Variants in RREB1 observed in about 807,000 individuals in gnomAD.
RREB1 encodes ras-responsive element-binding protein 1.
RREB1 carries 27 observed loss-of-function variants against 117.8 expected under a neutral mutation model. The observed-to-expected ratio is 0.23, with a 90% confidence interval of 0.17 to 0.32. RREB1 has a LOEUF of 0.32. RREB1 is among the 10% of genes least tolerant of loss of function. The pLI is 1.00. For missense variants in RREB1, 2,577 were observed against 2,378.2 expected (o/e 1.08, Z -1.74); for synonymous variants, 1,298 against 1,026.7 (o/e 1.26, Z -5.05).
intron 6 of RREB1, among the ~76,000 whole-genome samples, chr6:7,192,262 G>A (rs1283966880): frequency 3.3e-5 from 5 of 151,340 alleles, no homozygotes; most frequent in East Asian, 1.9e-4. Context: ...GCGTGATCTC[G>A]GCTCACGGCA....
Position 7,249,091 on chromosome 6 carries a change from G to GAGAGAGAGAGAC in RREB1, c.*134_*135insCAGAGAGAGAGA, listed in dbSNP as rs1769291376. 2.6e-6 allele frequency: 2 copies of GAGAGAGAGAGAC among 769,482 alleles called. No homozygotes were observed. The highest frequency in any genetic ancestry group is 2.0e-5 in the South Asian group (1 of 49,022). The allele number at this position is 769,482 out of a possible 1,614,324, so 47.7% of individuals were successfully genotyped here. A position where few individuals can be genotyped will look rare whatever the true frequency, so the allele number is the denominator to read the frequency against. ...AGAGAGAGAGAGAGAGAGAGAGAGA[G>GAGAGAGAGAGAC]AGAGAGAGAGAGACAAGCAGGAGCG... On this transcript the variant is annotated 3_prime_UTR_variant, in exon 13 of 13. Transcript: ENST00000379938.
chr6:7,242,706 G>GC (rs1445507263), intron 11 of RREB1, among the ~76,000 whole-genome samples: 1 of 151,184 alleles, frequency 6.6e-6, no homozygotes, highest in Non-Finnish European at 1.5e-5. Context: ...AAAAAGGGGG[G>GC]GGGGGAAGGA....
At chr6:7,171,695 G>A (rs1017187365) in intron 1 of RREB1, among the ~76,000 whole-genome samples, 4 of 152,180 alleles carry the variant, frequency 2.6e-5, no homozygotes, top group South Asian at 2.1e-4. Context: ...GATGAAGTGT[G>A]ATGGGTGTGA....
At chr6:7,242,426 C>T (rs1284629113) in intron 11 of RREB1, among the ~76,000 whole-genome samples, 4 of 152,174 alleles carry the variant, frequency 2.6e-5, no homozygotes, top group South Asian at 2.1e-4. Context: ...AGGGACAAAG[C>T]CTCTAGAAAA....
At chr6:7,205,793 A>G (rs538341638) in intron 6 of RREB1, among the ~76,000 whole-genome samples, 6 of 152,330 alleles carry the variant, frequency 3.9e-5, no homozygotes, top group Admixed American at 1.3e-4. Flanking sequence ...TCTTACAGAC[A>G]ACCTACCCTG....
intron 12 of RREB1, among the ~76,000 whole-genome samples, chr6:7,247,714 G>A (rs1039819754): frequency 2.0e-5 from 3 of 152,120 alleles, no homozygotes; most frequent in African/African-American, 7.2e-5. Context: ...GAGATGACTG[G>A]GACAGGACCC....
In RREB1 at chr6:7,182,095, A is replaced by G; in HGVS notation, c.171+13A>G. ...CAGAAGGAACCAGGTAAGTGTTCAC[A>G]CCTAGTGGTGACCTCTGGTGGGTTC... On this transcript the variant is annotated intron_variant, in intron 4 of 12. Coordinates refer to ENST00000379938, the MANE Select transcript of RREB1 (RefSeq NM_001003699.4). The G allele has an allele frequency of 6.2e-7, 1 of 1,612,444 alleles. No homozygotes were observed. Among genetic ancestry groups the G allele is most frequent in the South Asian group, 1.1e-5 (1 of 91,004 alleles).
chr6:7,238,732 C>T (rs970648922), intron 10 of RREB1, among the ~76,000 whole-genome samples: 8 of 152,146 alleles, frequency 5.3e-5, no homozygotes, highest in African/African-American at 1.9e-4. Context: ...CTCAGAAGCA[C>T]ACAGGCCGGA....
intron 1 of RREB1, among the ~76,000 whole-genome samples, chr6:7,126,126 T>G (rs1486837354): frequency 1.3e-5 from 2 of 149,288 alleles, no homozygotes; most frequent in Non-Finnish European, 3.0e-5. Flanking sequence ...CTCAGCCTCC[T>G]GAGTAGCTGG....
At position 7,246,575 on chromosome 6, in the gene RREB1, G is replaced by A. The variant is rs112176077; in HGVS notation, c.4125G>A (p.Ser1375=). The change falls in exon 12 of 13, where the codon TCG becomes TCA. Residue 1375 remains serine, a synonymous_variant. Coordinates refer to ENST00000379938, the MANE Select transcript of RREB1 (RefSeq NM_001003699.4). ...AGCAGGCCACGGCGGAAACGGCCTC[G>A]CCGGTGCACCGGGAAGAGCACGGGC... is the stretch of plus-strand genomic sequence containing the variant. ...PVEQATAETA[S]PVHREEHGRG... 5.2e-6 allele frequency: 8 copies of A among 1,550,814 alleles called. No homozygotes were observed. Among genetic ancestry groups the A allele is most frequent in the South Asian group, 1.2e-5 (1 of 84,208 alleles).
chr6:7,142,658 G>A (rs1285885), intron 1 of RREB1, among the ~76,000 whole-genome samples: 32,988 of 152,198 alleles, frequency 0.22, 4,016 homozygotes, highest in African/African-American at 0.32. Context: ...GATGGGCGGA[G>A]CCACGTGGGG....
intron 1 of RREB1, among the ~76,000 whole-genome samples, chr6:7,162,724 T>C (rs1039649923): frequency 2.0e-5 from 3 of 152,166 alleles, no homozygotes; most frequent in Non-Finnish European, 4.4e-5. Flanking sequence ...ATGCTGAGAA[T>C]ACCCATTTTT....
chr6:7,141,431 G>A (rs1003914621), intron 1 of RREB1, among the ~76,000 whole-genome samples: 24 of 152,184 alleles, frequency 1.6e-4, no homozygotes, highest in Non-Finnish European at 2.8e-4. Context: ...TCCTCTTAGG[G>A]AAAGATTAGA....
At chr6:7,120,222 G>A (rs955290648) in intron 1 of RREB1, among the ~76,000 whole-genome samples, 2 of 152,072 alleles carry the variant, frequency 1.3e-5, no homozygotes, top group Non-Finnish European at 2.9e-5. Flanking sequence ...AGGCCGAGCC[G>A]TGCAGATCCC....
rs771878775 is a variant in RREB1, at chr6:7,230,266, C to T, written c.2167C>T (p.Leu723Phe). 9 of 1,599,974 alleles carry T rather than the reference C, an allele frequency of 5.6e-6. No homozygotes were observed. The highest frequency in any genetic ancestry group is 6.8e-6 in the Non-Finnish European group (8 of 1,179,158). The change falls in exon 10 of 13, where the codon CTC becomes TTC. Residue 723 changes from leucine (L) to phenylalanine (F), a missense_variant. Coordinates refer to ENST00000379938, the MANE Select transcript of RREB1 (RefSeq NM_001003699.4). ...NCERHLRKKH[L>F]KATRKDIEKN... ...CGAGCGGCACCTGCGCAAGAAGCACCTCAAGGCCACCCGCAAGGATATCGA... is the reference window on the plus strand; with the variant it reads ...CGAGCGGCACCTGCGCAAGAAGCACTTCAAGGCCACCCGCAAGGATATCGA...
intron 6 of RREB1, among the ~76,000 whole-genome samples, chr6:7,204,833 G>C (rs547815520): frequency 6.6e-6 from 1 of 152,166 alleles, no homozygotes; most frequent in African/African-American, 2.4e-5. Flanking sequence ...AATTACATAC[G>C]GGGAGCTTGA....
At position 7,222,228 on chromosome 6, in the gene RREB1, T is replaced by C. The variant is rs535065355; in HGVS notation, c.708-4239T>C. 2.2e-4 allele frequency among the ~76,000 whole-genome samples: 33 copies of C among 152,338 alleles called. 1 individual carries two copies. The highest frequency in any genetic ancestry group is 6.5e-4 in the African/African-American group (27 of 41,582). On this transcript the variant is annotated intron_variant, in intron 8 of 12. Transcript: ENST00000379938. ...TAACTATAAGAATCCGCTGGTGTGC[T>C]TGTTCATATACAGATTCTTAGGCCC...
In RREB1 at chr6:7,229,847, G is replaced by A. The variant is rs996644201; in HGVS notation, c.1748G>A (p.Arg583Gln). ...AATRLSLQQP[R>Q]AELPGQPEMK... ...ACGCGGCTCTCCCTGCAGCAGCCGC[G>A]GGCGGAGCTGCCGGGCCAGCCTGAG... Residue 583 changes from arginine (R) to glutamine (Q), a missense_variant, in exon 10 of 13, where the codon CGG (arginine) becomes CAG (glutamine). By Grantham distance (43) the Arg-to-Gln change is conservative. Transcript: ENST00000379938. This position sits in a 1 kb window ranked among gnomAD's most constrained non-coding sequence, Gnocchi z 4.5. 1 of 1,610,212 alleles carries A rather than the reference G, an allele frequency of 6.2e-7. No individual in the cohort carries two copies. Among genetic ancestry groups the A allele is most frequent in the Middle Eastern group, 1.7e-4 (1 of 6,052 alleles).
At chr6:7,199,086 C>G (rs1308998349) in intron 6 of RREB1, among the ~76,000 whole-genome samples, 3 of 152,106 alleles carry the variant, frequency 2.0e-5, no homozygotes, top group African/African-American at 7.2e-5. Context: ...GATTTGAAAC[C>G]TGGGTGCTTT....
Sources: allele counts gnomAD v4.1 joint callset (sites outside exome capture counted in the v4.1 genomes callset), GRCh38; gene constraint gnomAD v4.1.1; non-coding constraint Gnocchi (gnomAD v3.1); transcripts MANE v1.5; gene names NCBI Gene and HGNC (gene_info 2026-07-23, HGNC 2026-07-21).